The following UBQLN1 variants were observed in gnomAD, a reference collection of about 807,000 sequenced individuals.
The protein encoded by UBQLN1 is ubiquilin-1.
Under a neutral mutation model 65.4 loss-of-function variants are expected in UBQLN1, and 13 were observed. The observed-to-expected ratio is 0.20, with a 90% confidence interval of 0.13 to 0.32. The LOEUF is 0.32. UBQLN1 is among the 10% of genes least tolerant of loss of function. The pLI is 1.00. For synonymous variants in UBQLN1, 267 were observed against 247.8 expected (o/e 1.08, Z -0.73); for missense variants, 561 against 724.0 (o/e 0.77, Z 2.58).
intron 1 of UBQLN1, among the ~76,000 whole-genome samples, chr9:83,702,424 T>A (rs924983089): frequency 6.6e-6 from 1 of 151,966 alleles, no homozygotes; most frequent in Non-Finnish European, 1.5e-5. Context: ...CTCACAGACA[T>A]TTTTTTTCTC....
chr9:83,702,835 G>C (rs1339074631), intron 1 of UBQLN1, among the ~76,000 whole-genome samples: 1 of 152,126 alleles, frequency 6.6e-6, no homozygotes. Context: ...CCTTATCAAA[G>C]AAAGGCTCAA....
chr9:83,668,386 T>C, intron 7 of UBQLN1: 11 of 985,438 alleles, frequency 1.1e-5, no homozygotes, highest in Non-Finnish European at 1.3e-5. Context: ...AAGCCATTTT[T>C]AACGAACAGC....
At chr9:83,661,967 A>C (rs1587633963) in intron 10 of UBQLN1, 28 bp from the exon 11 acceptor site, 1 of 1,594,602 alleles carries the variant, frequency 6.3e-7, no homozygotes, top group East Asian at 2.2e-5. Flanking sequence ...AATTAATCCA[A>C]CTCTAAAGGA....
At chr9:83,676,220 T>C (rs770210873) in intron 6 of UBQLN1, among the ~76,000 whole-genome samples, 13 of 149,786 alleles carry the variant, frequency 8.7e-5, no homozygotes, top group Non-Finnish European at 1.8e-4. Flanking sequence ...GCTGACAATC[T>C]GATAGGCCAG....
At chr9:83,705,143 T>C (rs1832377587) in intron 1 of UBQLN1, among the ~76,000 whole-genome samples, 1 of 152,096 alleles carries the variant, frequency 6.6e-6, no homozygotes. Flanking sequence ...ATCAAAATGT[T>C]AGCAGGGATA....
intron 6 of UBQLN1, among the ~76,000 whole-genome samples, chr9:83,673,556 A>AC (rs1317221516): frequency 1.2e-5 from 1 of 80,244 alleles, no homozygotes; most frequent in Non-Finnish European, 2.3e-5. Flanking sequence ...TAAAAAAAAA[A>AC]AAAAAAAAAA....
At chr9:83,673,615 GA>G (rs1177287715) in intron 6 of UBQLN1, among the ~76,000 whole-genome samples, 1 of 143,502 alleles carries the variant, frequency 7.0e-6, no homozygotes, top group African/African-American at 2.6e-5. Context: ...ATAGTTAAGG[GA>G]AAAAAAATCC....
At chr9:83,669,389 TTAAAA>T in intron 6 of UBQLN1, 62 bp from the exon 7 acceptor site, 1 of 1,457,296 alleles carries the variant, frequency 6.9e-7, no homozygotes, top group East Asian at 2.4e-5. Flanking sequence ...AGTTAAAGCT[TTAAAA>T]TATAATATGC....
intron 3 of UBQLN1, among the ~76,000 whole-genome samples, chr9:83,682,328 A>G (rs201291599): frequency 6.6e-6 from 1 of 151,872 alleles, no homozygotes; most frequent in African/African-American, 2.4e-5. Flanking sequence ...CAATATATAA[A>G]TCTAATACAG....
chr9:83,689,438 T>C (rs1424835604), intron 1 of UBQLN1, among the ~76,000 whole-genome samples: 1 of 152,198 alleles, frequency 6.6e-6, no homozygotes, highest in Non-Finnish European at 1.5e-5. Context: ...AGAAAAGCTA[T>C]GAACAATTAA....
At chr9:83,673,468 C>G (rs1328780363) in intron 6 of UBQLN1, among the ~76,000 whole-genome samples, 1 of 147,992 alleles carries the variant, frequency 6.8e-6, no homozygotes, top group South Asian at 2.2e-4. Flanking sequence ...TCTCTAGAAC[C>G]TGGGAGGCAG....
chr9:83,674,247 G>C (rs1831790337), intron 6 of UBQLN1, among the ~76,000 whole-genome samples: 1 of 151,230 alleles, frequency 6.6e-6, no homozygotes, highest in East Asian at 1.9e-4. Context: ...GGAAGAAGGA[G>C]AGTTACAAAT....
In UBQLN1 at chr9:83,687,689, CAG is replaced by C. The variant is rs1218532909; in HGVS notation, c.181-1536_181-1535del. ...TAAGCTATATATCATTGTTGAAAAT[CAG>C]AGATAGGTGCATGAAAGTTCCTAAC... On this transcript the variant is annotated intron_variant, in intron 1 of 10. Transcript: ENST00000376395. Among the ~76,000 whole-genome samples, 3 of 152,246 alleles carry C rather than the reference CAG, an allele frequency of 2.0e-5. No homozygotes were observed. In the South Asian group the frequency reaches 6.2e-4, roughly 32 times the overall value.
At chr9:83,675,314 T>C (rs1181225157) in intron 6 of UBQLN1, among the ~76,000 whole-genome samples, 1 of 152,200 alleles carries the variant, frequency 6.6e-6, no homozygotes, top group Non-Finnish European at 1.5e-5. Flanking sequence ...TGAATTCGTT[T>C]TTGTTAGAGA....
chr9:83,663,638 G>C (rs1315101461), intron 10 of UBQLN1, among the ~76,000 whole-genome samples: 1 of 152,038 alleles, frequency 6.6e-6, no homozygotes, highest in African/African-American at 2.4e-5. Context: ...TAAGACTTTA[G>C]GTTGTAGCAT....
intron 2 of UBQLN1, among the ~76,000 whole-genome samples, chr9:83,685,311 T>C (rs1832021648): frequency 6.6e-6 from 1 of 152,228 alleles, no homozygotes; most frequent in South Asian, 2.1e-4. Context: ...AGAACAGAGT[T>C]TGATACTGTA....
chr9:83,704,880 C>T (rs753038919), intron 1 of UBQLN1, among the ~76,000 whole-genome samples: 5 of 145,882 alleles, frequency 3.4e-5, no homozygotes, highest in Non-Finnish European at 6.0e-5. Flanking sequence ...AAAATAAAAG[C>T]GTTCACAGAA....
intron 6 of UBQLN1, among the ~76,000 whole-genome samples, chr9:83,677,247 C>G (rs1831849080): frequency 6.6e-6 from 1 of 152,170 alleles, no homozygotes; most frequent in Non-Finnish European, 1.5e-5. Flanking sequence ...AGTGTTCTCT[C>G]TACATTTAAA....
chr9:83,667,555 G>A (rs775014651), intron 7 of UBQLN1: 1 of 985,414 alleles, frequency 1.0e-6, no homozygotes, highest in Non-Finnish European at 1.2e-6. Flanking sequence ...TAAGTTCACA[G>A]TAAGTAAACT....
Sources: gnomAD v4.1 joint callset for allele counts (sites outside exome capture counted in the v4.1 genomes callset) on GRCh38, gnomAD v4.1.1 for gene constraint, MANE v1.5 for transcripts, NCBI Gene and HGNC (gene_info 2026-07-23, HGNC 2026-07-21) for gene names.